Variants in KDM4B observed in about 807,000 individuals in gnomAD.
The protein encoded by KDM4B is lysine demethylase 4B, also known as lysine-specific demethylase 4B.
KDM4B carries 32 observed loss-of-function variants against 125.2 expected under a neutral mutation model. That is an observed-to-expected ratio of 0.26 (90% CI 0.19 to 0.34). The LOEUF is 0.34. Among genes scored for constraint, KDM4B ranks in the 10% least tolerant of loss-of-function variants. KDM4B has a pLI of 1.00. For missense variants in KDM4B, 1,190 were observed against 1,577.7 expected (o/e 0.75, Z 4.16); for synonymous variants, 721 against 677.9 (o/e 1.06, Z -0.99).
At chr19:4,984,951 G>C (rs959550279) in intron 1 of KDM4B, among the ~76,000 whole-genome samples, 1 of 152,158 alleles carries the variant, frequency 6.6e-6, no homozygotes, top group African/African-American at 2.4e-5. Flanking sequence ...GGATCTGCTG[G>C]GTCACAGTGG....
intron 15 of KDM4B, 83 bp downstream of exon 15, chr19:5,135,644 C>T: frequency 8.3e-7 from 1 of 1,202,118 alleles, no homozygotes; most frequent in Non-Finnish European, 1.2e-6. Context: ...CCATCCTCCC[C>T]TGCGGAGGGC....
At chr19:4,995,835 C>T (rs1049327938) in intron 1 of KDM4B, among the ~76,000 whole-genome samples, 5 of 152,094 alleles carry the variant, frequency 3.3e-5, no homozygotes, top group Admixed American at 2.6e-4. Context: ...CTGCATCCTG[C>T]GACCCTGAAA....
chr19:4,987,530 G>A (rs962926027), intron 1 of KDM4B, among the ~76,000 whole-genome samples: 4 of 152,156 alleles, frequency 2.6e-5, no homozygotes, highest in African/African-American at 4.8e-5. Flanking sequence ...AGGAGTTTGC[G>A]ATGTTTCTGG....
At chr19:5,094,138 C>T (rs532957650) in intron 9 of KDM4B, among the ~76,000 whole-genome samples, 15 of 152,354 alleles carry the variant, frequency 9.8e-5, no homozygotes, top group African/African-American at 3.4e-4. Flanking sequence ...CACGCGGCCC[C>T]TCCTCCCTGT....
At chr19:5,032,145 G>A (rs1053276993) in intron 2 of KDM4B, among the ~76,000 whole-genome samples, 1 of 152,180 alleles carries the variant, frequency 6.6e-6, no homozygotes, top group Non-Finnish European at 1.5e-5. Flanking sequence ...GCTCCCGCCC[G>A]CAGCCTCCGT....
rs544503731 is a variant in KDM4B at position 5,101,186 on chromosome 19, C to T, written c.919-9436C>T. On this transcript the variant is annotated intron_variant, in intron 9 of 22. Coordinates refer to ENST00000159111, the MANE Select transcript of KDM4B (RefSeq NM_015015.3). ...GCAGTGAACCGAGGTTGTGCCATTGCGCTCCAACCTGGGCAACAAGAGCAA... is the reference window on the plus strand; with the variant it reads ...GCAGTGAACCGAGGTTGTGCCATTGTGCTCCAACCTGGGCAACAAGAGCAA... Among the ~76,000 whole-genome samples the T allele has an allele frequency of 1.6e-3, 231 of 146,864 alleles. 1 individual carries two copies. Among genetic ancestry groups the T allele is most frequent in the Middle Eastern group, 3.5e-3 (1 of 286 alleles).
intron 11 of KDM4B, among the ~76,000 whole-genome samples, chr19:5,130,468 C>T (rs145278720): frequency 4.1e-4 from 62 of 152,354 alleles, no homozygotes; most frequent in African/African-American, 1.3e-3. Flanking sequence ...GGGAGTTCCA[C>T]GCGGAAGGGT....
chr19:5,100,854 GTTC>G lies in KDM4B; in HGVS notation c.919-9762_919-9760del, dbSNP rs766352854. Among the ~76,000 whole-genome samples, 11 of 152,138 alleles carry G rather than the reference GTTC, an allele frequency of 7.2e-5. No individual in the cohort carries two copies. In the South Asian group the frequency reaches 1.7e-3, roughly 23 times the overall value. ...GAATATTCCTTTTGTTATAAGCCCC[GTTC>G]TTCTTTCATGATGTAGTATCTTTTA... On this transcript the variant is annotated intron_variant, in intron 9 of 22. Transcript: ENST00000159111.
intron 7 of KDM4B, 59 bp downstream of exon 7, chr19:5,071,118 T>G (rs1038998847): frequency 1.2e-4 from 185 of 1,536,704 alleles, no homozygotes; most frequent in Admixed American, 3.8e-4. Flanking sequence ...GGCCTGTGGG[T>G]GGGGAAGGGC....
chr19:5,008,906 CT>C (rs200928850), intron 1 of KDM4B, among the ~76,000 whole-genome samples: 12,805 of 102,610 alleles, frequency 0.12, 1,067 homozygotes, highest in Non-Finnish European at 0.18. Flanking sequence ...TGGCCCCTGC[CT>C]TTTTTTTTTT....
Position 5,124,924 on chromosome 19 carries a change from G to A in KDM4B, c.1315+5072G>A, listed in dbSNP as rs150004345. 2.8e-3 allele frequency among the ~76,000 whole-genome samples: 414 copies of A among 147,002 alleles called. 2 individuals are homozygous for A. Among genetic ancestry groups the A allele is most frequent in the African/African-American group, 9.6e-3 (382 of 39,624 alleles). Reference sequence around the variant, plus strand: ...TTTTCTTTTCTTTTTTTTTGAAACCGAGTCTTGCTGTGTCCCCCAGGTTGG... The same window carrying A: ...TTTTCTTTTCTTTTTTTTTGAAACCAAGTCTTGCTGTGTCCCCCAGGTTGG... On this transcript the variant is annotated intron_variant, in intron 11 of 22. Transcript: ENST00000159111.
chr19:5,123,169 C>G (rs184911365), intron 11 of KDM4B, among the ~76,000 whole-genome samples: 14 of 152,282 alleles, frequency 9.2e-5, no homozygotes, highest in African/African-American at 3.1e-4. Context: ...GCTCCACGCC[C>G]TGTGGCTCTC....
chr19:5,110,154 C>T (rs543330839), intron 9 of KDM4B, among the ~76,000 whole-genome samples: 1 of 152,198 alleles, frequency 6.6e-6, no homozygotes, highest in Non-Finnish European at 1.5e-5. Flanking sequence ...CTGGGGGATG[C>T]CGTTTCCTGA....
chr19:5,131,973 G>A lies in KDM4B; in HGVS notation c.1872G>A (p.Leu624=). The A allele has an allele frequency of 6.2e-7, 1 of 1,611,290 alleles. No homozygotes were observed. The change falls in exon 13 of 23, where the codon CTG becomes CTA. Residue 624 remains leucine (L), a synonymous_variant. Coordinates refer to ENST00000159111, the MANE Select transcript of KDM4B (RefSeq NM_015015.3). ...PLGRPPTRSP[L]SVVKQEASSD... is the part of the protein sequence containing the mutation. ...GCCGGCCGCCCACCCGGTCCCCACT[G>A]TCGGTGGTGAAGCAGGAGGCCTCAA...
chr19:5,108,001 C>T (rs1310322123), intron 9 of KDM4B, among the ~76,000 whole-genome samples: 1 of 152,230 alleles, frequency 6.6e-6, no homozygotes, highest in Non-Finnish European at 1.5e-5. Context: ...GGCAGCCTGG[C>T]ACCAGCAGCT....
At chr19:5,113,830 A>G in intron 10 of KDM4B, 5 of 950,268 alleles carry the variant, frequency 5.3e-6, no homozygotes, top group Non-Finnish European at 6.3e-6. Flanking sequence ...ACCCCCGTGC[A>G]GTCCAGCCTT....
At chr19:5,112,351 C>T (rs1370216855) in intron 10 of KDM4B, 1 of 155,440 alleles carries the variant, frequency 6.4e-6, no homozygotes, top group Non-Finnish European at 1.4e-5. Context: ...GTCTTTGAGC[C>T]AACAGTGGTG....
chr19:5,006,216 C>T (rs527461864), intron 1 of KDM4B, among the ~76,000 whole-genome samples: 102 of 152,178 alleles, frequency 6.7e-4, no homozygotes, highest in Middle Eastern at 3.4e-3. Flanking sequence ...CCGTCTGTCC[C>T]GCCACTACTG....
rs2038199956 is a variant in KDM4B at position 5,078,749 on chromosome 19, C to T, written c.780+1279C>T. 6.6e-6 allele frequency: 1 copy of T among 152,082 alleles called. No individual in the cohort carries two copies. Among genetic ancestry groups the T allele is most frequent in the Non-Finnish European group, 1.5e-5 (1 of 68,036 alleles). The allele number at this position is 152,082 out of a possible 1,614,324, so 9.4% of individuals were successfully genotyped here. On this transcript the variant is annotated intron_variant, in intron 8 of 22. Coordinates refer to ENST00000159111, the MANE Select transcript of KDM4B (RefSeq NM_015015.3). This position sits in a 1 kb window ranked among gnomAD's most constrained non-coding sequence, Gnocchi z 4.5. ...CGCACTGCAGTTTATCTGTAAAGTTCCTGAACCTGAGCCAAAGGTGGCTCA... is the reference window on the plus strand; with the variant it reads ...CGCACTGCAGTTTATCTGTAAAGTTTCTGAACCTGAGCCAAAGGTGGCTCA...
Sources: gnomAD v4.1 joint callset for allele counts (sites outside exome capture counted in the v4.1 genomes callset) on GRCh38, gnomAD v4.1.1 for gene constraint, Gnocchi (gnomAD v3.1) non-coding constraint, MANE v1.5 for transcripts, NCBI Gene and HGNC (gene_info 2026-07-23, HGNC 2026-07-21) for gene names.